Variants in NBAS observed in about 807,000 individuals in gnomAD.
The protein encoded by NBAS is NBAS subunit of NRZ tethering complex.
In NBAS, 219 loss-of-function variants were observed where a neutral mutation model predicts 302.5. The ratio of observed to expected loss-of-function variants is 0.72; its 90% CI spans 0.65 to 0.81. The LOEUF (loss-of-function observed/expected upper bound fraction) is 0.81. Among genes scored for constraint, NBAS ranks in the 30% least tolerant of loss-of-function variants. NBAS has a pLI of 0.00. For missense variants in NBAS, 2,932 were observed against 2,841.6 expected, an observed-to-expected ratio of 1.03 and a Z score of -0.72; for synonymous variants, 1,118 against 1,021.6, an observed-to-expected ratio of 1.09 and a Z score of -1.80.
intron 42 of NBAS, among the ~76,000 whole-genome samples, chr2:15,282,966 C>T (rs1265236290): frequency 6.6e-6 from 1 of 152,116 alleles, no homozygotes; most frequent in Non-Finnish European, 1.5e-5. Context: ...GAGGCCTTCC[C>T]CATCTACTTC....
chr2:15,485,269 A>G (rs1680575671), intron 12 of NBAS, among the ~76,000 whole-genome samples: 1 of 152,162 alleles, frequency 6.6e-6, no homozygotes. Context: ...TCATCAAATA[A>G]AAAGAATCAA....
At chr2:15,561,102 A>G in intron 1 of NBAS, 86 bp downstream of exon 1, 1 of 749,016 alleles carries the variant, frequency 1.3e-6, no homozygotes, top group Non-Finnish European at 2.0e-6. Flanking sequence ...ACCCGTCTCC[A>G]CTCCCCTACG....
chr2:15,304,353 T>C (rs879494156), intron 40 of NBAS, among the ~76,000 whole-genome samples: 3 of 152,176 alleles, frequency 2.0e-5, no homozygotes, highest in Non-Finnish European at 2.9e-5. Context: ...TCCCCAGCCA[T>C]GCTGAACTGT....
At chr2:15,317,516 G>A (rs367993926) in intron 38 of NBAS, among the ~76,000 whole-genome samples, 5 of 152,138 alleles carry the variant, frequency 3.3e-5, no homozygotes, top group Non-Finnish European at 7.4e-5. Context: ...AGGGTTAGAC[G>A]AATGTCTAAC....
chr2:14,835,294 A>T, the NBAS span, among the ~76,000 whole-genome samples: 1 of 152,048 alleles, frequency 6.6e-6, no homozygotes, highest in Non-Finnish European at 1.5e-5. Context: ...TGAGCTGAAA[A>T]TATTGGTATT....
At chr2:15,213,657 T>G (rs996691519) in intron 48 of NBAS, among the ~76,000 whole-genome samples, 1 of 152,186 alleles carries the variant, frequency 6.6e-6, no homozygotes, top group Non-Finnish European at 1.5e-5. Context: ...GTGACCTCAT[T>G]TAAAACAGAG....
chr2:14,825,405 T>C, the NBAS span, among the ~76,000 whole-genome samples: 2 of 152,226 alleles, frequency 1.3e-5, no homozygotes, highest in Non-Finnish European at 2.9e-5. Context: ...TCACTGATGG[T>C]TAACTTGCCC....
At chr2:14,971,391 T>C in the NBAS span, among the ~76,000 whole-genome samples, 16 of 152,116 alleles carry the variant, frequency 1.1e-4, no homozygotes, top group Non-Finnish European at 1.6e-4. Flanking sequence ...GGCACACACC[T>C]GTAATCCCAG....
At chr2:15,399,534 TC>T (rs1558304713) in intron 26 of NBAS, among the ~76,000 whole-genome samples, 2 of 152,160 alleles carry the variant, frequency 1.3e-5, no homozygotes, top group Non-Finnish European at 2.9e-5. Flanking sequence ...TCTGCTGCTC[TC>T]TACTAGGGAT....
At chr2:15,345,541 A>G (rs756486452) in intron 35 of NBAS, among the ~76,000 whole-genome samples, 2 of 152,170 alleles carry the variant, frequency 1.3e-5, no homozygotes, top group Admixed American at 6.6e-5. Flanking sequence ...ATGCTCATGG[A>G]TAGGAAGAAT....
the NBAS span, among the ~76,000 whole-genome samples, chr2:15,152,729 T>TA: frequency 6.6e-6 from 1 of 152,250 alleles, no homozygotes; most frequent in Non-Finnish European, 1.5e-5. Context: ...TCTTTTAACA[T>TA]AACCATACAC....
At chr2:15,531,027 T>C (rs1360089043) in intron 9 of NBAS, among the ~76,000 whole-genome samples, 1 of 152,130 alleles carries the variant, frequency 6.6e-6, no homozygotes, top group Non-Finnish European at 1.5e-5. Context: ...AACAATACCT[T>C]CAAAATTTAA....
the NBAS span, among the ~76,000 whole-genome samples, chr2:15,096,094 A>G: frequency 6.6e-6 from 1 of 152,236 alleles, no homozygotes; most frequent in African/African-American, 2.4e-5. Context: ...CCTATTCTTT[A>G]GATGTATCAG....
chr2:15,482,924 C>T (rs1040995662), intron 12 of NBAS, among the ~76,000 whole-genome samples: 6 of 152,076 alleles, frequency 3.9e-5, no homozygotes, highest in Admixed American at 6.6e-5. Context: ...TCTCCCCACC[C>T]GACATATTCA....
intron 48 of NBAS, among the ~76,000 whole-genome samples, chr2:15,209,811 A>G (rs192956079): frequency 2.0e-5 from 3 of 152,190 alleles, no homozygotes; most frequent in Non-Finnish European, 4.4e-5. Context: ...GAACCCAAAG[A>G]TAAATCCAAG....
chr2:15,157,832 G>A, the NBAS span, among the ~76,000 whole-genome samples: 236 of 152,298 alleles, frequency 1.5e-3, no homozygotes, highest in Non-Finnish European at 2.2e-3. Flanking sequence ...GTGACCCTGC[G>A]TGTGTCACTT....
At chr2:15,070,958 T>C in the NBAS span, among the ~76,000 whole-genome samples, 4 of 152,216 alleles carry the variant, frequency 2.6e-5, no homozygotes, top group East Asian at 5.8e-4. Context: ...ATTTTGCTGG[T>C]GGAGAAACTG....
the NBAS span, among the ~76,000 whole-genome samples, chr2:14,826,325 CTATTTATTCTGAATAAACATTGACTTTTA>C: frequency 6.6e-6 from 1 of 152,128 alleles, no homozygotes; most frequent in Non-Finnish European, 1.5e-5. Flanking sequence ...TTGTGCTTTT[CTATTTATTCTGAATAAACATTGACTTTTA>C]TAACAAAATA....
the NBAS span, among the ~76,000 whole-genome samples, chr2:15,052,695 G>T: frequency 6.6e-6 from 1 of 152,080 alleles, no homozygotes; most frequent in East Asian, 1.9e-4. Flanking sequence ...TAGTTAACAG[G>T]TATAAAAATT....
Sources: allele counts gnomAD v4.1 joint callset (sites outside exome capture counted in the v4.1 genomes callset), GRCh38; gene constraint gnomAD v4.1.1; transcripts MANE v1.5; gene names NCBI Gene and HGNC (gene_info 2026-07-23, HGNC 2026-07-21).